Variants in ACTL8 observed in about 807,000 individuals in gnomAD.
The protein encoded by ACTL8 is actin-like protein 8.
ACTL8 carries 3 observed loss-of-function variants against 9.3 expected under a neutral mutation model. The observed-to-expected ratio is 0.32, with a 90% CI of 0.15 to 0.83. The LOEUF (loss-of-function observed/expected upper bound fraction) is 0.83, where lower values mean the gene tolerates loss of function less well. Among genes scored for constraint, ACTL8 ranks in the 40% least tolerant of loss-of-function variants. The probability of loss-of-function intolerance (pLI) is 0.57; values close to 1 mark genes in which losing one functional copy is unlikely to be tolerated. For synonymous variants in ACTL8, 224 were observed against 205.9 expected (o/e 1.09, Z -0.75); for missense variants, 381 against 492.2 (o/e 0.77, Z 2.14).
At chr1:17,783,963 A>C (rs1373196238) in intron 1 of ACTL8, among the ~76,000 whole-genome samples, 1 of 152,166 alleles carries the variant, frequency 6.6e-6, no homozygotes, top group Non-Finnish European at 1.5e-5. Context: ...CTGCCTCTCA[A>C]ATTGCAGACT....
intron 1 of ACTL8, among the ~76,000 whole-genome samples, chr1:17,773,450 A>C (rs1292559219): frequency 6.6e-6 from 1 of 152,270 alleles, no homozygotes; most frequent in Non-Finnish European, 1.5e-5. Flanking sequence ...CGCAGCAAGC[A>C]TTAACAAATG....
chr1:17,758,613 G>A (rs2102671622), intron 1 of ACTL8, among the ~76,000 whole-genome samples: 1 of 152,216 alleles, frequency 6.6e-6, no homozygotes, highest in African/African-American at 2.4e-5. Flanking sequence ...CAAAATAATA[G>A]GGAAATGGAC....
chr1:17,813,050 C>A (rs565398107), intron 1 of ACTL8, among the ~76,000 whole-genome samples: 4 of 151,938 alleles, frequency 2.6e-5, no homozygotes, highest in African/African-American at 9.7e-5. Flanking sequence ...TTTGTAGATT[C>A]TTTGGCATTT....
In ACTL8 at chr1:17,756,715, C is replaced by G. The variant is rs80183276; in HGVS notation, c.-25+1211C>G. On this transcript the variant is annotated intron_variant, in intron 1 of 2. Coordinates refer to ENST00000375406, the MANE Select transcript of ACTL8 (RefSeq NM_030812.3). ...GGAGTGGTTTTCTGGTGATTTTGGG[C>G]TTGGGTGTAGTGTCAAGTTCCTTGC... Among the ~76,000 whole-genome samples the G allele has an allele frequency of 5.9e-3, 896 of 152,162 alleles. 9 individuals carry two copies. The highest frequency in any genetic ancestry group is 0.02 in the African/African-American group (830 of 41,508).
chr1:17,758,623 C>T (rs2065982104), intron 1 of ACTL8, among the ~76,000 whole-genome samples: 1 of 152,182 alleles, frequency 6.6e-6, no homozygotes, highest in Non-Finnish European at 1.5e-5. Flanking sequence ...GGGAAATGGA[C>T]ATACCCAGAC....
intron 1 of ACTL8, among the ~76,000 whole-genome samples, chr1:17,789,281 G>A (rs556142663): frequency 6.6e-6 from 1 of 152,248 alleles, no homozygotes; most frequent in South Asian, 2.1e-4. Context: ...CGTGTGGGCA[G>A]GGGAGGACTG....
intron 1 of ACTL8, among the ~76,000 whole-genome samples, chr1:17,772,047 C>A (rs545140749): frequency 6.6e-6 from 1 of 152,142 alleles, no homozygotes; most frequent in Non-Finnish European, 1.5e-5. Context: ...CAGGATGCAG[C>A]GCTAACCTTC....
Position 17,785,897 on chromosome 1 carries a change from C to A in ACTL8, c.-25+30393C>A, listed in dbSNP as rs149260076. Among the ~76,000 whole-genome samples the A allele has an allele frequency of 3.2e-3, 488 of 152,238 alleles. 2 individuals are homozygous for A. The highest frequency in any genetic ancestry group is 0.029 in the East Asian group (148 of 5,156). ...GGTCTCCTGCTTGGATCTCACAAGG[C>A]CACAGTCAAGGTGGTGACTGGGCTG... On this transcript the variant is annotated intron_variant, in intron 1 of 2. Coordinates refer to ENST00000375406, the MANE Select transcript of ACTL8 (RefSeq NM_030812.3).
At chr1:17,755,853 G>T (rs1182099693) in intron 1 of ACTL8, among the ~76,000 whole-genome samples, 1 of 151,868 alleles carries the variant, frequency 6.6e-6, no homozygotes, top group African/African-American at 2.4e-5. Flanking sequence ...CCTGGTGGAG[G>T]GTCCCTTCCC....
intron 1 of ACTL8, among the ~76,000 whole-genome samples, chr1:17,768,704 C>T (rs1050246766): frequency 1.9e-4 from 29 of 151,898 alleles, no homozygotes; most frequent in African/African-American, 9.7e-5. Flanking sequence ...ATAGGAGGGG[C>T]GTTTGGGGAA....
intron 1 of ACTL8, among the ~76,000 whole-genome samples, chr1:17,791,253 G>A (rs2066237506): frequency 6.6e-6 from 1 of 152,176 alleles, no homozygotes; most frequent in South Asian, 2.1e-4. Flanking sequence ...GCTCCACGGA[G>A]TGTACAGCCC....
chr1:17,772,811 C>CA (rs2066093145), intron 1 of ACTL8, among the ~76,000 whole-genome samples: 1 of 152,026 alleles, frequency 6.6e-6, no homozygotes, highest in South Asian at 2.1e-4. Flanking sequence ...CAGACCCAGG[C>CA]AGTCTAAGAA....
chr1:17,819,565 G>C (rs1030545886), intron 1 of ACTL8, among the ~76,000 whole-genome samples: 5 of 152,356 alleles, frequency 3.3e-5, no homozygotes, highest in Admixed American at 6.5e-5. Context: ...GACAGCCCCA[G>C]AATGCTGCCT....
intron 1 of ACTL8, among the ~76,000 whole-genome samples, chr1:17,784,666 A>G (rs952275940): frequency 3.9e-5 from 6 of 152,180 alleles, no homozygotes; most frequent in African/African-American, 1.4e-4. Flanking sequence ...TCTTCTCAAT[A>G]CAATGCTATA....
At chr1:17,821,464 CT>C (rs1166085929) in intron 1 of ACTL8, among the ~76,000 whole-genome samples, 1 of 152,052 alleles carries the variant, frequency 6.6e-6, no homozygotes, top group African/African-American at 2.4e-5. Flanking sequence ...GGCTAAGGTT[CT>C]TTTTTTGGTA....
intron 1 of ACTL8, among the ~76,000 whole-genome samples, chr1:17,814,049 T>G (rs1029616450): frequency 1.2e-4 from 19 of 152,236 alleles, no homozygotes; most frequent in African/African-American, 4.6e-4. Context: ...GCTTTTGGCT[T>G]TATTGACTTT....
intron 1 of ACTL8, among the ~76,000 whole-genome samples, chr1:17,762,270 C>T (rs546337482): frequency 2.0e-5 from 3 of 152,210 alleles, no homozygotes; most frequent in Non-Finnish European, 4.4e-5. Flanking sequence ...TGAGGTCGTG[C>T]AGCAAATTCG....
chr1:17,756,097 C>T (rs543585408), intron 1 of ACTL8, among the ~76,000 whole-genome samples: 30 of 150,806 alleles, frequency 2.0e-4, no homozygotes, highest in African/African-American at 7.1e-4. Flanking sequence ...TTTCAGCCTT[C>T]GGAGGGGACT....
intron 1 of ACTL8, among the ~76,000 whole-genome samples, chr1:17,811,799 G>T (rs1212068296): frequency 1.3e-5 from 2 of 151,272 alleles, no homozygotes; most frequent in Non-Finnish European, 2.9e-5. Flanking sequence ...TGGACACTCT[G>T]TTCTTTTCTA....
Sources: allele counts gnomAD v4.1 joint callset (sites outside exome capture counted in the v4.1 genomes callset), GRCh38; gene constraint gnomAD v4.1.1; transcripts MANE v1.5; gene names NCBI Gene and HGNC (gene_info 2026-07-23, HGNC 2026-07-21).